ZNF804B: variants seen among roughly 807,000 people sequenced by gnomAD.
The protein encoded by ZNF804B is zinc finger protein 804B, also known as zinc finger 804B.
ZNF804B carries 80 observed loss-of-function variants against 101.4 expected under a neutral mutation model. The observed-to-expected ratio is 0.79, with a 90% CI of 0.66 to 0.95. The LOEUF is 0.95. Ranked by LOEUF, ZNF804B falls within the 40% of genes least tolerant of loss-of-function variation. The probability of loss-of-function intolerance (pLI) is 0.00; values close to 1 mark genes in which losing one functional copy is unlikely to be tolerated. For missense variants in ZNF804B, 1,673 were observed against 1,561.9 expected, an observed-to-expected ratio of 1.07 and a Z score of -1.20; for synonymous variants, 622 against 558.8, an observed-to-expected ratio of 1.11 and a Z score of -1.59.
At position 89,334,819 on chromosome 7, in the gene ZNF804B, T is replaced by C. The variant is rs140649908; in HGVS notation, c.1837T>C (p.Cys613Arg). The C allele has an allele frequency of 6.2e-6, 10 of 1,613,786 alleles. No homozygotes were observed. In the African/African-American group the frequency reaches 1.2e-4, roughly 19 times the overall value. Residue 613 changes from cysteine to arginine, a missense_variant, in exon 4 of 4, where the codon TGC (cysteine) becomes CGC (arginine). Physicochemically the swap from Cys to Arg is radical, Grantham distance 180. Transcript: ENST00000333190. ...KEASRAHWQG[C>R]RKAVLNDIDE... ...AGCTTCAAGGGCCCATTGGCAAGGC[T>C]GCAGAAAGGCAGTTCTAAATGATAT...
chr7:89,206,736 G>A (rs993025391), intron 1 of ZNF804B, among the ~76,000 whole-genome samples: 2 of 151,990 alleles, frequency 1.3e-5, no homozygotes, highest in African/African-American at 4.8e-5. Flanking sequence ...TGGGTCACAA[G>A]AACAAAACTC....
At chr7:89,078,488 G>A (rs980364613) in intron 1 of ZNF804B, among the ~76,000 whole-genome samples, 1 of 151,746 alleles carries the variant, frequency 6.6e-6, no homozygotes, top group Non-Finnish European at 1.5e-5. Flanking sequence ...AGGAAAATGT[G>A]TTTTATTTGT....
At chr7:88,831,333 CATG>C (rs1415960163) in intron 1 of ZNF804B, among the ~76,000 whole-genome samples, 1 of 151,890 alleles carries the variant, frequency 6.6e-6, no homozygotes, top group Non-Finnish European at 1.5e-5. Context: ...GTCTAACAGA[CATG>C]ATATTTTGAA....
chr7:89,136,939 G>A (rs1790646447), intron 1 of ZNF804B, among the ~76,000 whole-genome samples: 1 of 152,030 alleles, frequency 6.6e-6, no homozygotes, highest in Admixed American at 6.6e-5. Context: ...GTGAGGCAGA[G>A]CTTCCCTGCA....
chr7:89,094,641 TG>T (rs1789944668), intron 1 of ZNF804B, among the ~76,000 whole-genome samples: 1 of 151,908 alleles, frequency 6.6e-6, no homozygotes, highest in African/African-American at 2.4e-5. Context: ...TGCTACAGTG[TG>T]TTTCTGATGA....
At chr7:89,048,348 G>C (rs915445132) in intron 1 of ZNF804B, among the ~76,000 whole-genome samples, 1 of 151,808 alleles carries the variant, frequency 6.6e-6, no homozygotes, top group Admixed American at 6.6e-5. Context: ...TAAAAGGACT[G>C]GTTTCTGTTT....
intron 1 of ZNF804B, among the ~76,000 whole-genome samples, chr7:88,950,689 A>G (rs572354693): frequency 1.3e-5 from 2 of 151,940 alleles, no homozygotes; most frequent in Admixed American, 6.6e-5. Flanking sequence ...ATGCCTTTGC[A>G]GGTTTTAAGA....
intron 2 of ZNF804B, among the ~76,000 whole-genome samples, chr7:89,312,069 G>C (rs994134572): frequency 6.6e-5 from 10 of 152,112 alleles, no homozygotes; most frequent in Non-Finnish European, 1.3e-4. Flanking sequence ...GCCTTGAAAA[G>C]GAATGGTGTG....
chr7:89,301,233 T>C (rs1009025140), intron 2 of ZNF804B, among the ~76,000 whole-genome samples: 1 of 151,560 alleles, frequency 6.6e-6, no homozygotes, highest in African/African-American at 2.4e-5. Flanking sequence ...TCTTATTTTT[T>C]AGAGTTTAGC....
intron 2 of ZNF804B, among the ~76,000 whole-genome samples, chr7:89,298,487 G>T (rs1057274442): frequency 6.6e-6 from 1 of 150,634 alleles, no homozygotes; most frequent in Admixed American, 6.7e-5. Flanking sequence ...CTCCTCAAAA[G>T]TGGGATTACG....
At chr7:88,974,982 T>G (rs1793595152) in intron 1 of ZNF804B, among the ~76,000 whole-genome samples, 1 of 151,480 alleles carries the variant, frequency 6.6e-6, no homozygotes, top group Non-Finnish European at 1.5e-5. Flanking sequence ...CTCCAGCAGT[T>G]CTATTGTTTT....
intron 2 of ZNF804B, among the ~76,000 whole-genome samples, chr7:89,254,329 T>C (rs1789591706): frequency 6.6e-6 from 1 of 151,958 alleles, no homozygotes; most frequent in Non-Finnish European, 1.5e-5. Flanking sequence ...TTGCAGAATA[T>C]AATTGTATTA....
chr7:88,993,430 G>A (rs1326558037), intron 1 of ZNF804B, among the ~76,000 whole-genome samples: 5 of 151,852 alleles, frequency 3.3e-5, no homozygotes, highest in African/African-American at 9.7e-5. Context: ...AAAAACTTAT[G>A]AGAAATAAAA....
At chr7:88,812,763 C>T (rs557282627) in intron 1 of ZNF804B, among the ~76,000 whole-genome samples, 1 of 151,968 alleles carries the variant, frequency 6.6e-6, no homozygotes, top group Non-Finnish European at 1.5e-5. Flanking sequence ...ACGAATGAAC[C>T]TGGAAGACAT....
intron 2 of ZNF804B, among the ~76,000 whole-genome samples, chr7:89,267,154 C>T (rs1212252732): frequency 2.6e-5 from 4 of 151,942 alleles, no homozygotes; most frequent in African/African-American, 9.7e-5. Context: ...GATATTGATC[C>T]TTTGTTTCAC....
In ZNF804B at chr7:89,273,958, A is replaced by G. The variant is rs757366396; in HGVS notation, c.250-53386A>G. On this transcript the variant is annotated intron_variant, in intron 2 of 3. Coordinates refer to ENST00000333190, the MANE Select transcript of ZNF804B (RefSeq NM_181646.5). ...TTCTTTTTCTCAAGTCAGTAGCCAC[A>G]TTCTGCTTTTTCTGTTTCAGATAAC... 2.0e-5 allele frequency among the ~76,000 whole-genome samples: 3 copies of G among 152,108 alleles called. No individual in the cohort carries two copies. In the East Asian group the frequency reaches 5.8e-4, roughly 30 times the overall value.
intron 1 of ZNF804B, among the ~76,000 whole-genome samples, chr7:88,892,225 C>A (rs569198278): frequency 1.3e-5 from 2 of 152,122 alleles, no homozygotes; most frequent in East Asian, 3.9e-4. Flanking sequence ...TTTGTATGAT[C>A]TCTGTTATTT....
intron 1 of ZNF804B, among the ~76,000 whole-genome samples, chr7:88,817,403 A>G (rs1790901880): frequency 6.6e-6 from 1 of 151,572 alleles, no homozygotes. Context: ...AAAAAATTCC[A>G]CCATCCCTTA....
chr7:88,885,364 C>T (rs1413039664), intron 1 of ZNF804B, among the ~76,000 whole-genome samples: 1 of 151,442 alleles, frequency 6.6e-6, no homozygotes, highest in East Asian at 1.9e-4. Context: ...TCTCATAGAA[C>T]AATACCGGGT....
Sources: gnomAD v4.1 joint callset for allele counts (sites outside exome capture counted in the v4.1 genomes callset) on GRCh38, gnomAD v4.1.1 for gene constraint, MANE v1.5 for transcripts, NCBI Gene and HGNC (gene_info 2026-07-23, HGNC 2026-07-21) for gene names.